The following XIRP1 variants were observed in gnomAD, a reference collection of about 807,000 sequenced individuals.
The protein encoded by XIRP1 is xin actin-binding repeat-containing protein 1.
For synonymous variants in XIRP1, 984 were observed against 947.0 expected, an observed-to-expected ratio of 1.04 and a Z score of -0.72; for missense variants, 2,378 against 2,345.4, an observed-to-expected ratio of 1.01 and a Z score of -0.29.
chr3:39,188,509 T>C lies in XIRP1; in HGVS notation c.937A>G (p.Thr313Ala). The C allele has an allele frequency of 6.2e-7, 1 of 1,606,806 alleles. No homozygotes were observed. Among genetic ancestry groups the C allele is most frequent in the Non-Finnish European group, 8.5e-7 (1 of 1,174,380 alleles). ...TCCCGGATGGCATCCAGGGGCTGTG[T>C]CTCAAAGATCCAGCGAGTTGCACTG... Reference protein sequence around the residue: ...DVSATRWIFETQPLDAIREIL... With the variant: ...DVSATRWIFEAQPLDAIREIL... Residue 313 changes from threonine (T) to alanine (A), a missense_variant, in exon 2 of 2, where the codon ACA becomes GCA. By Grantham distance (58) the Thr-to-Ala change is moderately conservative. Coordinates refer to ENST00000340369, the MANE Select transcript of XIRP1 (RefSeq NM_194293.4).
At position 39,185,599 on chromosome 3, in the gene XIRP1, CT is replaced by C; in HGVS notation, c.3846del (p.Ala1283ProfsTer5). On this transcript the variant is annotated frameshift_variant, in exon 2 of 2. Coordinates refer to ENST00000340369, the MANE Select transcript of XIRP1 (RefSeq NM_194293.4). LOFTEE classifies it low-confidence loss of function (END_TRUNC). ...AGGGGGTCCTTCAGGGGCTCAGAGG[CT>C]TGCTGGATGGAGTCCTCAGCACGGT... The part of the protein sequence containing the change: ...GAHRAEDSIQ[Q>X]ASEPLKDPLL... 6.2e-7 allele frequency: 1 copy of C among 1,604,234 alleles called. No individual in the cohort carries two copies. Among genetic ancestry groups the C allele is most frequent in the Non-Finnish European group, 8.5e-7 (1 of 1,174,646 alleles).
Position 39,188,626 on chromosome 3 carries a change from CA to C in XIRP1, c.819del (p.Phe273LeufsTer18). On this transcript the variant is annotated frameshift_variant, in exon 2 of 2. Coordinates refer to ENST00000340369, the MANE Select transcript of XIRP1 (RefSeq NM_194293.4). LOFTEE classifies it low-confidence loss of function (END_TRUNC). ...SNAVRSARWL[F>X]ETRPLDAINQ... ...TTGATGGCGTCCAGAGGCCGGGTCT[CA>C]AAGAGCCAGCGGGCAGACCTCACCG... 1 of 1,613,524 alleles carries C rather than the reference CA, an allele frequency of 6.2e-7. No homozygotes were observed. Among genetic ancestry groups the C allele is most frequent in the South Asian group, 1.1e-5 (1 of 91,088 alleles).
Position 39,187,468 on chromosome 3 carries a change from T to C in XIRP1, c.1978A>G (p.Arg660Gly). 1 of 1,614,026 alleles carries C rather than the reference T, an allele frequency of 6.2e-7. No homozygotes were observed. Among genetic ancestry groups the C allele is most frequent in the Non-Finnish European group, 8.5e-7 (1 of 1,180,014 alleles). ...QVPAGERQTD[R>G]HVFETEPLQA... ...AGAGGCTCGGTCTCAAAGACGTGTC[T>C]GTCTGTCTGTCTTTCCCCAGCCGGG... The change falls in exon 2 of 2, where the codon AGA (arginine) becomes GGA (glycine). Residue 660 changes from arginine to glycine, a missense_variant. Coordinates refer to ENST00000340369, the MANE Select transcript of XIRP1 (RefSeq NM_194293.4).
Position 39,186,806 on chromosome 3 carries a change from C to T in XIRP1, c.2640G>A (p.Gln880=). 1 of 1,614,020 alleles carries T rather than the reference C, an allele frequency of 6.2e-7. No homozygotes were observed. The highest frequency in any genetic ancestry group is 8.5e-7 in the Non-Finnish European group (1 of 1,179,924). The change falls in exon 2 of 2, where the codon CAG becomes CAA. Residue 880 remains glutamine, a synonymous_variant. Coordinates refer to ENST00000340369, the MANE Select transcript of XIRP1 (RefSeq NM_194293.4). ...AGGTCCCAAGACCGCAAGCCAGCAG[C>T]TGCTGGAGCTCAGGGTCCATGTCTT... ...NIEDMDPELQ[Q]LLACGLGTSV... is the part of the protein sequence containing the mutation.
Position 39,185,055 on chromosome 3 carries a change from A to C in XIRP1, c.4391T>G (p.Leu1464Arg). 1 of 1,521,990 alleles carries C rather than the reference A, an allele frequency of 6.6e-7. No individual in the cohort carries two copies. The highest frequency in any genetic ancestry group is 8.8e-7 in the Non-Finnish European group (1 of 1,138,598). The allele number at this position is 1,521,990 out of a possible 1,614,324, so 94.3% of individuals were successfully genotyped here. A position where few individuals can be genotyped will look rare whatever the true frequency, so the allele number is the denominator to read the frequency against. The change falls in exon 2 of 2, where the codon CTG becomes CGG. Residue 1464 changes from leucine to arginine, a missense_variant. Physicochemically the swap from Leu to Arg is moderately radical, Grantham distance 102. Transcript: ENST00000340369. ...CTGGAGCTCTTTCTGGTTTCTTTGC[A>C]GACTGTCAGGGCTCTCAGGGGCCCC... ...HQGAPESPDS[L>R]QRNQKELQGL...
Position 39,187,367 on chromosome 3 carries a change from C to T in XIRP1, c.2079G>A (p.Val693=). The T allele has an allele frequency of 3.7e-6, 6 of 1,611,648 alleles. No homozygotes were observed. The highest frequency in any genetic ancestry group is 5.1e-6 in the Non-Finnish European group (6 of 1,178,408). The change falls in exon 2 of 2, where the codon GTG becomes GTA. Residue 693 remains valine, a synonymous_variant. Transcript: ENST00000340369. ...CSRVEIPSGQ[V]SRQKEVFQAL... ...CCTGAAAAACCTCTTTCTGACGAGACACCTGCCCTGAAGGGATCTCCACGC... is the reference window on the plus strand; with the variant it reads ...CCTGAAAAACCTCTTTCTGACGAGATACCTGCCCTGAAGGGATCTCCACGC...
In XIRP1 at chr3:39,184,081, C is replaced by T. The variant is rs2039915103; in HGVS notation, c.5365G>A (p.Val1789Ile). 2.5e-6 allele frequency: 4 copies of T among 1,608,404 alleles called. No individual in the cohort carries two copies. The highest frequency in any genetic ancestry group is 3.4e-6 in the Non-Finnish European group (4 of 1,176,114). Residue 1789 changes from valine (V) to isoleucine (I), a missense_variant, in exon 2 of 2, where the codon GTC (valine) becomes ATC (isoleucine). Physicochemically the swap from Val to Ile is conservative, Grantham distance 29. Transcript: ENST00000340369. Reference protein sequence around the residue: ...GNTVLMSSTTVTEQAEPPRNP... With the variant: ...GNTVLMSSTTITEQAEPPRNP... Reference sequence around the variant, plus strand: ...CTGGGTGGCTCTGCCTGCTCGGTGACTGTGGTGGAAGACATGAGGACTGTG... The same window carrying T: ...CTGGGTGGCTCTGCCTGCTCGGTGATTGTGGTGGAAGACATGAGGACTGTG...
Position 39,186,709 on chromosome 3 carries a change from G to C in XIRP1, c.2737C>G (p.Gln913Glu), listed in dbSNP as rs1187808509. The change falls in exon 2 of 2, where the codon CAG (glutamine) becomes GAG (glutamate). Residue 913 changes from glutamine (Q) to glutamate (E), a missense_variant. By Grantham distance (29) the Gln-to-Glu change is conservative. Coordinates refer to ENST00000340369, the MANE Select transcript of XIRP1 (RefSeq NM_194293.4). ...GLVALTAYSL[Q>E]PRLTSKASER... ...GAGGCCTTGCTAGTTAGCCGGGGCTGCAGAGAGTAGGCAGTCAGTGCGACC... is the reference window on the plus strand; with the variant it reads ...GAGGCCTTGCTAGTTAGCCGGGGCTCCAGAGAGTAGGCAGTCAGTGCGACC... 2 of 1,613,976 alleles carry C rather than the reference G, an allele frequency of 1.2e-6. No homozygotes were observed. Among genetic ancestry groups the C allele is most frequent in the Non-Finnish European group, 1.7e-6 (2 of 1,180,044 alleles).
intron 1 of XIRP1, among the ~76,000 whole-genome samples, chr3:39,190,003 C>T (rs1435564403): frequency 6.6e-6 from 1 of 152,144 alleles, no homozygotes; most frequent in African/African-American, 2.4e-5. Context: ...GCCATGTTGA[C>T]CTGGAACGCT....
chr3:39,189,233 C>A lies in XIRP1; in HGVS notation c.213G>T (p.Glu71Asp). 6.2e-7 allele frequency: 1 copy of A among 1,614,170 alleles called. No individual in the cohort carries two copies. Among genetic ancestry groups the A allele is most frequent in the Non-Finnish European group, 8.5e-7 (1 of 1,180,036 alleles). ...IHPELRKNLAEAVAEDLAEVL... is the reference protein window; with the variant it reads ...IHPELRKNLADAVAEDLAEVL... The stretch of plus-strand genomic sequence containing the variant: ...CCTCAGCCAGATCCTCGGCCACAGC[C>A]TCAGCCAGATTCTTGCGGAGCTCAG... Residue 71 changes from glutamate to aspartate, a missense_variant, in exon 2 of 2, where the codon GAG (glutamate) becomes GAT (aspartate). Glu to Asp is a conservative substitution (Grantham distance 45). Coordinates refer to ENST00000340369, the MANE Select transcript of XIRP1 (RefSeq NM_194293.4).
Position 39,186,362 on chromosome 3 carries a change from T to C in XIRP1, c.3084A>G (p.Lys1028=). 2 of 1,614,190 alleles carry C rather than the reference T, an allele frequency of 1.2e-6. No individual in the cohort carries two copies. Among genetic ancestry groups the C allele is most frequent in the South Asian group, 1.1e-5 (1 of 91,082 alleles). The change falls in exon 2 of 2, where the codon AAA becomes AAG. Residue 1028 remains lysine, a synonymous_variant. Coordinates refer to ENST00000340369, the MANE Select transcript of XIRP1 (RefSeq NM_194293.4). ...EKQEDSHSGQ[K]GMAVLGKSEG... Reference sequence around the variant, plus strand: ...CTGACTTTCCCAAGACTGCCATCCCTTTCTGTCCAGAGTGACTGTCTTCCT... The same window carrying C: ...CTGACTTTCCCAAGACTGCCATCCCCTTCTGTCCAGAGTGACTGTCTTCCT...
Position 39,187,240 on chromosome 3 carries a change from G to C in XIRP1, c.2206C>G (p.Pro736Ala). 1 of 1,585,402 alleles carries C rather than the reference G, an allele frequency of 6.3e-7. No homozygotes were observed. The highest frequency in any genetic ancestry group is 8.6e-7 in the Non-Finnish European group (1 of 1,162,998). ...CTCTCAGCTGCCAGGGAGCCCATGG[G>C]ACAATTCTCAAAAAGCCAAGTGAAC... ...HKFTWLFENC[P>A]MGSLAAESIQ... Residue 736 changes from proline to alanine, a missense_variant, in exon 2 of 2, where the codon CCC becomes GCC. Coordinates refer to ENST00000340369, the MANE Select transcript of XIRP1 (RefSeq NM_194293.4).
rs911635152 is a variant in XIRP1 at position 39,188,509 on chromosome 3, T to A, written c.937A>T (p.Thr313Ser). 1.2e-6 allele frequency: 2 copies of A among 1,606,806 alleles called. No individual in the cohort carries two copies. The highest frequency in any genetic ancestry group is 1.7e-6 in the Non-Finnish European group (2 of 1,174,380). The change falls in exon 2 of 2, where the codon ACA becomes TCA. Residue 313 changes from threonine (T) to serine (S), a missense_variant. Coordinates refer to ENST00000340369, the MANE Select transcript of XIRP1 (RefSeq NM_194293.4). ...DVSATRWIFETQPLDAIREIL... is the reference protein window; with the variant it reads ...DVSATRWIFESQPLDAIREIL... Reference sequence around the variant, plus strand: ...TCCCGGATGGCATCCAGGGGCTGTGTCTCAAAGATCCAGCGAGTTGCACTG... The same window carrying A: ...TCCCGGATGGCATCCAGGGGCTGTGACTCAAAGATCCAGCGAGTTGCACTG...
At position 39,185,488 on chromosome 3, in the gene XIRP1, G is replaced by C; in HGVS notation, c.3958C>G (p.Pro1320Ala). 1 of 1,563,558 alleles carries C rather than the reference G, an allele frequency of 6.4e-7. No individual in the cohort carries two copies. The highest frequency in any genetic ancestry group is 8.7e-7 in the Non-Finnish European group (1 of 1,155,548). ...GGGGGCAGCTGCGGCTTCTTCTTTG[G>C]GGGCATGGTGGGGTCCAGTTTTGGG... Reference protein sequence around the residue: ...KTPKLDPTMPPKKKPQLPPKP... With the variant: ...KTPKLDPTMPAKKKPQLPPKP... The change falls in exon 2 of 2, where the codon CCA (proline) becomes GCA (alanine). Residue 1320 changes from proline (P) to alanine (A), a missense_variant. Transcript: ENST00000340369.
rs774949639 is a variant in XIRP1, at chr3:39,187,052, C to A, written c.2394G>T (p.Gly798=). Residue 798 remains glycine, a synonymous_variant, in exon 2 of 2, where the codon GGG becomes GGT. Transcript: ENST00000340369. The part of the protein sequence containing the change: ...GGILMEARGP[G]ELCLAKYVLS... ...GCACATACTTGGCAAGACAGAGCTC[C>A]CCTGGCCCTCGGGCCTCCATGAGGA... is the stretch of plus-strand genomic sequence containing the variant. 1.2e-6 allele frequency: 2 copies of A among 1,612,568 alleles called. No individual in the cohort carries two copies. The highest frequency in any genetic ancestry group is 2.2e-5 in the South Asian group (2 of 91,060).
Position 39,189,249 on chromosome 3 carries a change from C to T in XIRP1, c.197G>A (p.Arg66His), listed in dbSNP as rs76384304. 1,326 of 1,614,050 alleles carry T rather than the reference C, an allele frequency of 8.2e-4. 3 individuals are homozygous for T. The African/African-American group carries it at 0.012, about 14-fold the overall frequency. Residue 66 changes from arginine (R) to histidine (H), a missense_variant, in exon 2 of 2, where the codon CGC becomes CAC. By Grantham distance (29) the Arg-to-His change is conservative. Transcript: ENST00000340369. ...RLYRHIHPEL[R>H]KNLAEAVAED... ...GGCCACAGCCTCAGCCAGATTCTTG[C>T]GGAGCTCAGGGTGGATGTGCCTGTA... is the stretch of plus-strand genomic sequence containing the variant.
chr3:39,184,209 T>G lies in XIRP1; in HGVS notation c.5237A>C (p.Gln1746Pro). The change falls in exon 2 of 2, where the codon CAA becomes CCA. Residue 1746 changes from glutamine to proline, a missense_variant. Physicochemically the swap from Gln to Pro is moderately conservative, Grantham distance 76 (BLOSUM62 -1). Coordinates refer to ENST00000340369, the MANE Select transcript of XIRP1 (RefSeq NM_194293.4). ...PSASPLPRGWQKSVLELQTGP... is the reference protein window; with the variant it reads ...PSASPLPRGWPKSVLELQTGP... ...CGTCTGTAGCTCCAGAACACTCTTT[T>G]GCCACCCTCTGGGCAGGGGACTGGC... The G allele has an allele frequency of 6.2e-7, 1 of 1,614,198 alleles. No individual in the cohort carries two copies. The highest frequency in any genetic ancestry group is 8.5e-7 in the Non-Finnish European group (1 of 1,180,016).
In XIRP1 at chr3:39,185,160, T is replaced by C. The variant is rs771780628; in HGVS notation, c.4286A>G (p.Asn1429Ser). 1 of 1,605,296 alleles carries C rather than the reference T, an allele frequency of 6.2e-7. No individual in the cohort carries two copies. The highest frequency in any genetic ancestry group is 8.5e-7 in the Non-Finnish European group (1 of 1,175,196). Residue 1429 changes from asparagine to serine, a missense_variant, in exon 2 of 2, where the codon AAT becomes AGT. Coordinates refer to ENST00000340369, the MANE Select transcript of XIRP1 (RefSeq NM_194293.4). ...TGAGGTGGGATCATGGTTGAGGGCA[T>C]TGAGCTTGGGGGGCTCAGAGCTCTG... ...NAQSSEPPKL[N>S]ALNHDPTSPQ...
rs1477273451 is a variant in XIRP1 at position 39,186,810 on chromosome 3, T to C, written c.2636A>G (p.Gln879Arg). 1.2e-6 allele frequency: 2 copies of C among 1,613,888 alleles called. No homozygotes were observed. Among genetic ancestry groups the C allele is most frequent in the East Asian group, 2.2e-5 (1 of 44,890 alleles). ...CCCAAGACCGCAAGCCAGCAGCTGCTGGAGCTCAGGGTCCATGTCTTCAAT... is the reference window on the plus strand; with the variant it reads ...CCCAAGACCGCAAGCCAGCAGCTGCCGGAGCTCAGGGTCCATGTCTTCAAT... ...GNIEDMDPEL[Q>R]QLLACGLGTS... The change falls in exon 2 of 2, where the codon CAG becomes CGG. Residue 879 changes from glutamine (Q) to arginine (R), a missense_variant. Coordinates refer to ENST00000340369, the MANE Select transcript of XIRP1 (RefSeq NM_194293.4).
Sources: gnomAD v4.1 joint callset for allele counts (sites outside exome capture counted in the v4.1 genomes callset) on GRCh38, gnomAD v4.1.1 for gene constraint, MANE v1.5 for transcripts, NCBI Gene and HGNC (gene_info 2026-07-23, HGNC 2026-07-21) for gene names.